GPC6: variants seen among roughly 807,000 people sequenced by gnomAD.
The protein encoded by GPC6 is glypican-6.
In GPC6, 14 loss-of-function variants were observed where a neutral mutation model predicts 55.2. The observed-to-expected ratio is 0.25, with a 90% CI of 0.17 to 0.40. GPC6 has a LOEUF of 0.40. Ranked by LOEUF, GPC6 falls within the 10% of genes least tolerant of loss-of-function variation. The pLI is 1.00. For missense variants in GPC6, 641 were observed against 708.5 expected, an observed-to-expected ratio of 0.90 and a Z score of 1.08; for synonymous variants, 278 against 259.6, an observed-to-expected ratio of 1.07 and a Z score of -0.68.
chr13:93,227,144 G>C lies in GPC6; in HGVS notation c.-313G>C. On this transcript the variant is annotated 5_prime_UTR_variant, in exon 1 of 9. An upstream start codon of the reference 5' UTR is lost. Transcript: ENST00000377047. This position sits in a 1 kb window ranked among gnomAD's most constrained non-coding sequence, Gnocchi z 4.3. ...TCGGATTGCAGCTCTGAACCCCCATGGTGGTTTTTTAAACACTTCTTTTCC... is the reference window on the plus strand; with the variant it reads ...TCGGATTGCAGCTCTGAACCCCCATCGTGGTTTTTTAAACACTTCTTTTCC... The C allele has an allele frequency of 4.3e-6, 1 of 230,632 alleles. No homozygotes were observed. The highest frequency in any genetic ancestry group is 8.4e-6 in the Non-Finnish European group (1 of 118,406). 14.3% of individuals were successfully genotyped at this position (230,632 alleles called of 1,614,324 possible). A position where few individuals can be genotyped will look rare whatever the true frequency, so the allele number is the denominator to read the frequency against.
At position 93,239,255 on chromosome 13, in the gene GPC6, T is replaced by TCA. The variant is rs747418471; in HGVS notation, c.160+11641_160+11642dup. ...AATTTTTTAAATTACTGATTTGATC[T>TCA]CACTACTTGTTATTTGTCTGTTCAG... On this transcript the variant is annotated intron_variant, in intron 1 of 8. Transcript: ENST00000377047. 7.2e-5 allele frequency among the ~76,000 whole-genome samples: 11 copies of TCA among 152,176 alleles called. 1 individual carries two copies. In the Middle Eastern group the frequency reaches 0.02, roughly 282 times the overall value.
intron 1 of GPC6, among the ~76,000 whole-genome samples, chr13:93,507,949 T>G (rs1880801137): frequency 6.6e-6 from 1 of 152,110 alleles, no homozygotes; most frequent in African/African-American, 2.4e-5. Context: ...ACTTAAGAAA[T>G]CTAATATTTA....
intron 4 of GPC6, among the ~76,000 whole-genome samples, chr13:94,256,203 G>A (rs1891499664): frequency 6.6e-6 from 1 of 152,128 alleles, no homozygotes; most frequent in Non-Finnish European, 1.5e-5. Flanking sequence ...CCAAGAAGGA[G>A]CAAATATTGT....
chr13:93,305,265 T>C (rs1167785890), intron 1 of GPC6, among the ~76,000 whole-genome samples: 1 of 152,140 alleles, frequency 6.6e-6, no homozygotes, highest in African/African-American at 2.4e-5. Context: ...GTGTGTGTTT[T>C]TGTTTTGTTT....
intron 3 of GPC6, among the ~76,000 whole-genome samples, chr13:93,899,458 A>G (rs1876221546): frequency 6.6e-6 from 1 of 151,882 alleles, no homozygotes; most frequent in Non-Finnish European, 1.5e-5. Flanking sequence ...AAAAAAAAAA[A>G]GAGGAAATTC....
rs533066372 is a variant in GPC6, at chr13:94,303,132, C to T, written c.1009-2848C>T. On this transcript the variant is annotated intron_variant, in intron 5 of 8. Transcript: ENST00000377047. ...AGCTCAGCTCCAGCCGTAACAAACA[C>T]AGACCAGAAGAGTGTGCAGTTGCAA... is the stretch of plus-strand genomic sequence containing the variant. Among the ~76,000 whole-genome samples the T allele has an allele frequency of 2.0e-5, 3 of 152,342 alleles. No individual in the cohort carries two copies. The South Asian group carries it at 6.2e-4, about 32-fold the overall frequency.
intron 1 of GPC6, among the ~76,000 whole-genome samples, chr13:93,291,933 A>T (rs1161318629): frequency 1.3e-5 from 2 of 152,316 alleles, no homozygotes; most frequent in South Asian, 2.1e-4. Context: ...AAAAATTTTC[A>T]GTGTTACATA....
chr13:93,869,399 C>T (rs1253756153), intron 3 of GPC6, among the ~76,000 whole-genome samples: 2 of 151,816 alleles, frequency 1.3e-5, no homozygotes, highest in Non-Finnish European at 2.9e-5. Flanking sequence ...GTCCATCTGC[C>T]ACCCCATGAG....
intron 4 of GPC6, among the ~76,000 whole-genome samples, chr13:94,272,738 G>C (rs1488282151): frequency 6.6e-6 from 1 of 151,998 alleles, no homozygotes; most frequent in Non-Finnish European, 1.5e-5. Flanking sequence ...AAAGTGCTGG[G>C]ATTACAGGCA....
At chr13:94,319,394 T>C (rs1182396173) in intron 6 of GPC6, among the ~76,000 whole-genome samples, 1 of 152,234 alleles carries the variant, frequency 6.6e-6, no homozygotes, top group African/African-American at 2.4e-5. Context: ...TATGCTGTTA[T>C]TATGGGATAA....
At chr13:93,762,956 A>C (rs988641821) in intron 2 of GPC6, among the ~76,000 whole-genome samples, 3 of 152,326 alleles carry the variant, frequency 2.0e-5, no homozygotes, top group Non-Finnish European at 4.4e-5. Flanking sequence ...ACAAGCTGTG[A>C]GTAATAGAGT....
intron 3 of GPC6, among the ~76,000 whole-genome samples, chr13:93,843,796 C>T (rs143500699): frequency 2.1e-3 from 326 of 152,248 alleles, no homozygotes; most frequent in African/African-American, 7.6e-3. Context: ...TCTGAACACT[C>T]CTGGAGTTGG....
At chr13:93,527,529 T>C (rs919048171) in intron 1 of GPC6, among the ~76,000 whole-genome samples, 2 of 152,170 alleles carry the variant, frequency 1.3e-5, no homozygotes, top group Admixed American at 1.3e-4. Flanking sequence ...TTGACTGTAC[T>C]GCTGTTACCT....
intron 2 of GPC6, among the ~76,000 whole-genome samples, chr13:93,611,706 T>C (rs1196061896): frequency 6.6e-6 from 1 of 152,210 alleles, no homozygotes. Flanking sequence ...CTTTTTGTTG[T>C]TGTTTATCTC....
At chr13:93,581,729 G>A (rs141672389) in intron 2 of GPC6, among the ~76,000 whole-genome samples, 1 of 152,112 alleles carries the variant, frequency 6.6e-6, no homozygotes, top group Non-Finnish European at 1.5e-5. Context: ...AATCTCAGTT[G>A]TAAGGCAGCA....
At chr13:94,188,491 T>G (rs1421047956) in intron 4 of GPC6, among the ~76,000 whole-genome samples, 1 of 152,202 alleles carries the variant, frequency 6.6e-6, no homozygotes, top group African/African-American at 2.4e-5. Flanking sequence ...TTCTGTGATG[T>G]GAGTGGTCAC....
chr13:93,658,903 A>C (rs758476818), intron 2 of GPC6, among the ~76,000 whole-genome samples: 5 of 151,812 alleles, frequency 3.3e-5, no homozygotes, highest in Non-Finnish European at 7.4e-5. Flanking sequence ...ATGAGTTAAA[A>C]ATTTTTCCTA....
rs1220275108 is a variant in GPC6 at position 94,143,859 on chromosome 13, C to G, written c.877+115965C>G. Among the ~76,000 whole-genome samples, 4 of 152,232 alleles carry G rather than the reference C, an allele frequency of 2.6e-5. No individual in the cohort carries two copies. The East Asian group carries it at 5.8e-4, about 22-fold the overall frequency. The stretch of plus-strand genomic sequence containing the variant: ...TTAGCCATGATCACTCCACTACACT[C>G]CAGCCTGGGTGACAGTGAGATCTTC... On this transcript the variant is annotated intron_variant, in intron 4 of 8. Coordinates refer to ENST00000377047, the MANE Select transcript of GPC6 (RefSeq NM_005708.5).
intron 1 of GPC6, among the ~76,000 whole-genome samples, chr13:93,241,225 T>C (rs763453607): frequency 6.6e-6 from 1 of 152,238 alleles, no homozygotes; most frequent in Non-Finnish European, 1.5e-5. Flanking sequence ...TTCCCTCAAA[T>C]AGGTTTTCCA....
Sources: allele counts gnomAD v4.1 joint callset (sites outside exome capture counted in the v4.1 genomes callset), GRCh38; gene constraint gnomAD v4.1.1; non-coding constraint Gnocchi (gnomAD v3.1); transcripts MANE v1.5; gene names NCBI Gene and HGNC (gene_info 2026-07-23, HGNC 2026-07-21).